The following PTPRD variants were observed in gnomAD, a reference collection of about 807,000 sequenced individuals.
PTPRD encodes receptor-type tyrosine-protein phosphatase delta.
In PTPRD, 34 loss-of-function variants were observed where a neutral mutation model predicts 214.5. That is an observed-to-expected ratio of 0.16 (90% CI 0.12 to 0.21). The LOEUF (loss-of-function observed/expected upper bound fraction) is 0.21. PTPRD is among the 10% of genes least tolerant of loss of function. PTPRD has a pLI of 1.00. For missense variants in PTPRD, 2,545 were observed against 2,398.7 expected (o/e 1.06, Z -1.27); for synonymous variants, 1,128 against 845.7 (o/e 1.33, Z -5.79).
intron 2 of PTPRD, among the ~76,000 whole-genome samples, chr9:10,560,719 G>A (rs557565810): frequency 2.8e-4 from 43 of 152,142 alleles, no homozygotes; most frequent in South Asian, 2.3e-3. Flanking sequence ...TGTACCAGTC[G>A]CAGTAAACCA....
intron 9 of PTPRD, among the ~76,000 whole-genome samples, chr9:9,290,121 T>C (rs1053193536): frequency 3.3e-5 from 5 of 151,844 alleles, no homozygotes; most frequent in African/African-American, 4.8e-5. Flanking sequence ...CCAACACTTG[T>C]TACCTCTTGT....
intron 11 of PTPRD, chr9:8,857,644 A>C (rs2097954648): frequency 6.4e-6 from 1 of 156,452 alleles, no homozygotes; most frequent in Non-Finnish European, 1.4e-5. Flanking sequence ...TCACCTGGTC[A>C]TGTTGGCCCC....
At chr9:8,448,127 C>T (rs1445403242) in intron 34 of PTPRD, among the ~76,000 whole-genome samples, 1 of 151,750 alleles carries the variant, frequency 6.6e-6, no homozygotes, top group Non-Finnish European at 1.5e-5. Context: ...GAGTTGGAGC[C>T]CAGCTTGTGC....
chr9:9,072,561 C>T (rs891515867), intron 10 of PTPRD, among the ~76,000 whole-genome samples: 2 of 152,178 alleles, frequency 1.3e-5, no homozygotes, highest in African/African-American at 4.8e-5. Context: ...TTATACCCCA[C>T]TAATTATACT....
At chr9:9,266,782 A>G (rs1939962567) in intron 9 of PTPRD, among the ~76,000 whole-genome samples, 1 of 151,188 alleles carries the variant, frequency 6.6e-6, no homozygotes, top group South Asian at 2.1e-4. Context: ...TACAACATAT[A>G]AAAACTCGTA....
intron 45 of PTPRD, among the ~76,000 whole-genome samples, chr9:8,318,804 T>C (rs1433539232): frequency 1.3e-5 from 2 of 152,090 alleles, no homozygotes; most frequent in African/African-American, 4.8e-5. Context: ...TGAAGCATTG[T>C]TGGAGAGATG....
At chr9:9,743,226 C>T (rs141371441) in intron 6 of PTPRD, among the ~76,000 whole-genome samples, 3 of 152,198 alleles carry the variant, frequency 2.0e-5, no homozygotes, top group African/African-American at 7.2e-5. Flanking sequence ...TGTAAAGTCA[C>T]ATGCCAAATG....
intron 10 of PTPRD, among the ~76,000 whole-genome samples, chr9:9,131,378 C>T (rs2099842352): frequency 6.6e-6 from 1 of 152,120 alleles, no homozygotes; most frequent in Non-Finnish European, 1.5e-5. Flanking sequence ...TTTTCACAGC[C>T]TATACAAATT....
chr9:9,191,512 AT>A (rs1402238845), intron 9 of PTPRD, among the ~76,000 whole-genome samples: 1 of 152,122 alleles, frequency 6.6e-6, no homozygotes, highest in Admixed American at 6.6e-5. Context: ...AAGTTGCTAT[AT>A]TGGGGATAAT....
chr9:8,925,053 T>C (rs1472785016), intron 11 of PTPRD, among the ~76,000 whole-genome samples: 3 of 152,120 alleles, frequency 2.0e-5, no homozygotes, highest in Admixed American at 6.6e-5. Context: ...ACTAGAGCAA[T>C]TCTTCCTGCT....
At chr9:9,890,186 T>C (rs1456684893) in intron 5 of PTPRD, among the ~76,000 whole-genome samples, 1 of 152,076 alleles carries the variant, frequency 6.6e-6, no homozygotes, top group Non-Finnish European at 1.5e-5. Context: ...TTAAGGTTAC[T>C]AAATATCCTA....
At chr9:8,817,122 C>T (rs1355072023) in intron 11 of PTPRD, among the ~76,000 whole-genome samples, 1 of 152,180 alleles carries the variant, frequency 6.6e-6, no homozygotes, top group African/African-American at 2.4e-5. Flanking sequence ...AATTTGAAGG[C>T]CATTTTATGT....
At chr9:9,314,268 T>A (rs1428163846) in intron 9 of PTPRD, among the ~76,000 whole-genome samples, 2 of 152,158 alleles carry the variant, frequency 1.3e-5, no homozygotes, top group Admixed American at 1.3e-4. Flanking sequence ...GATTCCATTA[T>A]TTTTAACGGA....
intron 35 of PTPRD, among the ~76,000 whole-genome samples, chr9:8,428,223 C>A (rs1183452318): frequency 1.3e-5 from 2 of 152,170 alleles, no homozygotes; most frequent in South Asian, 4.1e-4. Flanking sequence ...GAGGTTTGGA[C>A]CCAATCTGAG....
chr9:10,601,627 T>C lies in PTPRD; in HGVS notation c.-600+10771A>G, dbSNP rs571299118. The stretch of plus-strand genomic sequence containing the variant: ...CTTTGGACCTGAATTTTATATCTTC[T>C]TTCTTTGTAAAAATAAAGGAAATAA... On this transcript the variant is annotated intron_variant, in intron 2 of 45. Transcript: ENST00000381196. Among the ~76,000 whole-genome samples the C allele has an allele frequency of 1.6e-4, 25 of 151,896 alleles. 2 individuals carry two copies. In the East Asian group the frequency reaches 2.9e-3, roughly 18 times the overall value.
chr9:9,091,989 C>A (rs934480808), intron 10 of PTPRD, among the ~76,000 whole-genome samples: 4 of 152,260 alleles, frequency 2.6e-5, no homozygotes, highest in African/African-American at 9.6e-5. Flanking sequence ...CTGCCATTTT[C>A]TTTTCTCTCA....
intron 37 of PTPRD, among the ~76,000 whole-genome samples, chr9:8,378,822 G>A (rs1203759978): frequency 6.6e-6 from 1 of 152,096 alleles, no homozygotes; most frequent in Non-Finnish European, 1.5e-5. Context: ...AAAAGGAGAT[G>A]AAGGAAAGAA....
chr9:9,032,431 C>A (rs886442894), intron 10 of PTPRD, among the ~76,000 whole-genome samples: 1 of 151,916 alleles, frequency 6.6e-6, no homozygotes, highest in African/African-American at 2.4e-5. Flanking sequence ...AACAGAGAGG[C>A]CTTGTTTTTA....
intron 3 of PTPRD, among the ~76,000 whole-genome samples, chr9:10,305,194 A>T (rs2096015549): frequency 6.6e-6 from 1 of 151,982 alleles, no homozygotes. Flanking sequence ...GGAAAACTGA[A>T]TAGGCATATG....
Sources: allele counts gnomAD v4.1 joint callset (sites outside exome capture counted in the v4.1 genomes callset), GRCh38; gene constraint gnomAD v4.1.1; transcripts MANE v1.5; gene names NCBI Gene and HGNC (gene_info 2026-07-23, HGNC 2026-07-21).